The following BLTP3B variants were observed in gnomAD, a reference collection of about 807,000 sequenced individuals.
BLTP3B encodes UHRF1 (ICBP90) binding protein 1-like.
the BLTP3B span, chr12:100,058,349 A>G: frequency 8.1e-6 from 13 of 1,613,522 alleles, no homozygotes; most frequent in African/African-American, 1.3e-5. Flanking sequence ...TTTCATCTTC[A>G]CTTATTTTCC....
chr12:100,075,147 G>A, the BLTP3B span, among the ~76,000 whole-genome samples: 1 of 151,932 alleles, frequency 6.6e-6, no homozygotes, highest in Non-Finnish European at 1.5e-5. Flanking sequence ...GAGTAGCTGG[G>A]ATTACAGGCG....
the BLTP3B span, chr12:100,059,720 G>T: frequency 8.8e-7 from 1 of 1,130,160 alleles, no homozygotes; most frequent in Non-Finnish European, 1.2e-6. Flanking sequence ...GGACTTACAT[G>T]ACCACTAAGA....
At chr12:100,121,402 T>A in the BLTP3B span, among the ~76,000 whole-genome samples, 4 of 143,918 alleles carry the variant, frequency 2.8e-5, no homozygotes, top group African/African-American at 7.7e-5. Flanking sequence ...CTAAGTGATA[T>A]AAAGTAGATC....
the BLTP3B span, among the ~76,000 whole-genome samples, chr12:100,134,303 A>C: frequency 6.6e-6 from 1 of 152,160 alleles, no homozygotes; most frequent in African/African-American, 2.4e-5. Context: ...AGACATCTCC[A>C]ATTAAATATC....
the BLTP3B span, chr12:100,037,598 C>T: frequency 6.9e-6 from 11 of 1,604,060 alleles, no homozygotes; most frequent in South Asian, 1.0e-4. Flanking sequence ...AACCTTCCTA[C>T]TCCAGAGCTA....
the BLTP3B span, among the ~76,000 whole-genome samples, chr12:100,093,187 T>A: frequency 3.2e-4 from 48 of 152,310 alleles, no homozygotes; most frequent in Admixed American, 2.2e-3. Context: ...ACGTTTAAAA[T>A]CAGGTCCCCC....
the BLTP3B span, among the ~76,000 whole-genome samples, chr12:100,068,405 A>C: frequency 3.3e-5 from 5 of 152,248 alleles, no homozygotes; most frequent in African/African-American, 1.2e-4. Flanking sequence ...CTAGAAGATA[A>C]CATTGGAAAG....
the BLTP3B span, among the ~76,000 whole-genome samples, chr12:100,123,382 C>T: frequency 7.9e-5 from 12 of 152,150 alleles, no homozygotes; most frequent in Non-Finnish European, 1.8e-4. Context: ...AACTCTCTAA[C>T]GATGTTTTTC....
At chr12:100,088,830 C>CT in the BLTP3B span, 10 of 1,130,170 alleles carry the variant, frequency 8.8e-6, no homozygotes, top group African/African-American at 1.6e-4. Context: ...ACAGGACATC[C>CT]TACACAACAG....
chr12:100,142,465 G>A, the BLTP3B span: 2 of 1,058,944 alleles, frequency 1.9e-6, no homozygotes, highest in Non-Finnish European at 1.4e-6. Flanking sequence ...GCCCCGGCCA[G>A]AGCGGGGAAG....
At chr12:100,107,837 C>T in the BLTP3B span, among the ~76,000 whole-genome samples, 3 of 152,142 alleles carry the variant, frequency 2.0e-5, no homozygotes, top group Non-Finnish European at 2.9e-5. Flanking sequence ...CAGACTCAAC[C>T]GATCATCCTG....
At chr12:100,096,235 C>T in the BLTP3B span, among the ~76,000 whole-genome samples, 8 of 149,776 alleles carry the variant, frequency 5.3e-5, no homozygotes, top group East Asian at 1.6e-3. Flanking sequence ...GCCTGGGTGA[C>T]AGAGAGAAAC....
the BLTP3B span, among the ~76,000 whole-genome samples, chr12:100,112,828 C>G: frequency 6.7e-6 from 1 of 149,458 alleles, no homozygotes; most frequent in Non-Finnish European, 1.5e-5. Context: ...CCACTGCACT[C>G]CAGCCTGGTG....
chr12:100,124,972 ATATATATT>A, the BLTP3B span, among the ~76,000 whole-genome samples: 1 of 86,908 alleles, frequency 1.2e-5, no homozygotes, highest in South Asian at 3.1e-4. Flanking sequence ...ATATATATAT[ATATATATT>A]TATATTTATT....
the BLTP3B span, among the ~76,000 whole-genome samples, chr12:100,055,757 T>C: frequency 1.6e-4 from 25 of 151,962 alleles, no homozygotes; most frequent in South Asian, 4.2e-4. Flanking sequence ...GAAAACTACT[T>C]AAACTTCAGG....
At chr12:100,096,583 T>G in the BLTP3B span, among the ~76,000 whole-genome samples, 5 of 149,592 alleles carry the variant, frequency 3.3e-5, no homozygotes, top group South Asian at 8.4e-4. Context: ...CTTTGGGAGG[T>G]CAAGACAGAA....
chr12:100,104,770 G>T, the BLTP3B span, among the ~76,000 whole-genome samples: 1 of 150,272 alleles, frequency 6.7e-6, no homozygotes, highest in East Asian at 2.0e-4. Flanking sequence ...ATTCAGTAAG[G>T]TTTAGGTTAC....
At chr12:100,049,531 G>A in the BLTP3B span, among the ~76,000 whole-genome samples, 1 of 152,064 alleles carries the variant, frequency 6.6e-6, no homozygotes, top group African/African-American at 2.4e-5. Flanking sequence ...AATTCCAGGT[G>A]GAGAATTGCT....
the BLTP3B span, among the ~76,000 whole-genome samples, chr12:100,039,188 GA>G: frequency 6.6e-6 from 1 of 150,644 alleles, no homozygotes; most frequent in Non-Finnish European, 1.5e-5. Flanking sequence ...AAAGCAACTT[GA>G]ATGTTAATAA....
Sources: allele counts gnomAD v4.1 joint callset (sites outside exome capture counted in the v4.1 genomes callset), GRCh38; gene constraint gnomAD v4.1.1; transcripts MANE v1.5; gene names NCBI Gene and HGNC (gene_info 2026-07-23, HGNC 2026-07-21).